RLF: variants seen among roughly 807,000 people sequenced by gnomAD.
RLF encodes zinc finger protein Rlf.
RLF carries 7 observed loss-of-function variants against 162.9 expected under a neutral mutation model. The ratio of observed to expected loss-of-function variants is 0.04; its 90% CI spans 0.02 to 0.08. The LOEUF is 0.08. Ranked by LOEUF, RLF falls within the 10% of genes least tolerant of loss-of-function variation. RLF has a pLI of 1.00. For missense variants in RLF, 1,664 were observed against 2,244.7 expected (o/e 0.74, Z 5.23); for synonymous variants, 782 against 791.5 (o/e 0.99, Z 0.20).
At chr1:40,168,199 AGT>A (rs1642192329) in intron 1 of RLF, among the ~76,000 whole-genome samples, 1 of 152,084 alleles carries the variant, frequency 6.6e-6, no homozygotes, top group Non-Finnish European at 1.5e-5. Flanking sequence ...TGGGCAACAG[AGT>A]GAGACCTTGT....
At chr1:40,219,891 G>T (rs1172760776) in intron 5 of RLF, among the ~76,000 whole-genome samples, 1 of 152,174 alleles carries the variant, frequency 6.6e-6, no homozygotes, top group Non-Finnish European at 1.5e-5. Flanking sequence ...GCCAGTGCAG[G>T]AGCATGTTTA....
Position 40,235,779 on chromosome 1 carries a change from CTT to C in RLF, c.1090-10_1090-9del, listed in dbSNP as rs1643210066. On this transcript the variant is annotated splice_polypyrimidine_tract_variant and intron_variant, in intron 7 of 7. Transcript: ENST00000372771. ...TGCAAAAAAATAATTTTTTTATCCT[CTT>C]TTACTTACAGGCACAAGATGCTGGT... 2 of 1,511,032 alleles carry C rather than the reference CTT, an allele frequency of 1.3e-6. No homozygotes were observed. The highest frequency in any genetic ancestry group is 4.8e-5 in the East Asian group (2 of 42,046). The allele number at this position is 1,511,032 out of a possible 1,614,324, so 93.6% of individuals were successfully genotyped here. A position where few individuals can be genotyped will look rare whatever the true frequency, so the allele number is the denominator to read the frequency against.
intron 2 of RLF, among the ~76,000 whole-genome samples, chr1:40,190,229 C>CA (rs1000424794): frequency 2.6e-5 from 4 of 151,468 alleles, no homozygotes; most frequent in African/African-American, 7.3e-5. Flanking sequence ...TTTCTTTTTT[C>CA]AAAAAAATCT....
Position 40,239,039 on chromosome 1 carries a change from G to A in RLF, c.4337G>A (p.Cys1446Tyr), listed in dbSNP as rs1431963971. Residue 1446 changes from cysteine to tyrosine, a missense_variant, in exon 8 of 8, where the codon TGT (cysteine) becomes TAT (tyrosine). Cys to Tyr is a radical substitution (Grantham distance 194). Coordinates refer to ENST00000372771, the MANE Select transcript of RLF (RefSeq NM_012421.4). ...ATACATTCAGATTATGAAATTCATT[G>A]TGATCTTAATGGCTGTGGCCAGATT... The part of the protein sequence containing the change: ...GEIHSDYEIH[C>Y]DLNGCGQIFT... 6.2e-7 allele frequency: 1 copy of A among 1,614,178 alleles called. No individual in the cohort carries two copies. The highest frequency in any genetic ancestry group is 2.2e-5 in the East Asian group (1 of 44,886).
At chr1:40,173,514 A>ATTT (rs34760861) in intron 1 of RLF, among the ~76,000 whole-genome samples, 6,387 of 142,530 alleles carry the variant, frequency 0.045, 466 homozygotes, top group African/African-American at 0.16. Flanking sequence ...TGATCATGTA[A>ATTT]TTTTTTTTTT....
intron 3 of RLF, among the ~76,000 whole-genome samples, chr1:40,193,282 T>C (rs1642585593): frequency 6.6e-6 from 1 of 152,150 alleles, no homozygotes; most frequent in African/African-American, 2.4e-5. Flanking sequence ...TTTATAGATT[T>C]AACATTATTT....
chr1:40,222,411 T>G (rs1643012215), intron 5 of RLF, among the ~76,000 whole-genome samples, 163 bp from the exon 6 acceptor site: 1 of 152,228 alleles, frequency 6.6e-6, no homozygotes, highest in Non-Finnish European at 1.5e-5. Context: ...GTTCCCTTCT[T>G]TAATATTTTC....
At chr1:40,174,503 G>C (rs1642289669) in intron 1 of RLF, among the ~76,000 whole-genome samples, 1 of 152,106 alleles carries the variant, frequency 6.6e-6, no homozygotes, top group Non-Finnish European at 1.5e-5. Flanking sequence ...TTTAAGGTTT[G>C]ATTCTGCTCC....
chr1:40,200,734 C>A (rs1642700142), intron 4 of RLF, among the ~76,000 whole-genome samples: 1 of 149,454 alleles, frequency 6.7e-6, no homozygotes, highest in Admixed American at 6.6e-5. Flanking sequence ...TTTTTCTGTC[C>A]TTTTGAAATC....
chr1:40,179,593 T>C (rs977175153), intron 1 of RLF, among the ~76,000 whole-genome samples: 1 of 151,670 alleles, frequency 6.6e-6, no homozygotes, highest in Non-Finnish European at 1.5e-5. Context: ...ATACGTAACA[T>C]AGAATTTGCC....
rs931395604 is a variant in RLF at position 40,237,877 on chromosome 1, A to G, written c.3175A>G (p.Thr1059Ala). The G allele has an allele frequency of 1.2e-6, 2 of 1,614,160 alleles. No homozygotes were observed. Among genetic ancestry groups the G allele is most frequent in the Non-Finnish European group, 1.7e-6 (2 of 1,180,016 alleles). The change falls in exon 8 of 8, where the codon ACC becomes GCC. Residue 1059 changes from threonine to alanine, a missense_variant. Physicochemically the swap from Thr to Ala is moderately conservative, Grantham distance 58. Around this residue, in one of 15 missense-constraint regions of RLF, gnomAD observed 295 missense variants for 317.4 expected, o/e 0.93. Transcript: ENST00000372771. The surrounding 1 kb of genome is among the most constrained non-coding windows in gnomAD (Gnocchi z 4.4). ...TTCTAAAAGGCCCTGTACAGAGGAT[A>G]CCATGTTGGAACTTCTGTTACGCTT... is the stretch of plus-strand genomic sequence containing the variant. ...CASKRPCTED[T>A]MLELLLRLKH...
At chr1:40,234,326 T>G (rs544335572) in intron 7 of RLF, among the ~76,000 whole-genome samples, 1 of 151,770 alleles carries the variant, frequency 6.6e-6, no homozygotes, top group Admixed American at 6.6e-5. Flanking sequence ...GTGTTGGGGG[T>G]TTTTTGTCTA....
intron 1 of RLF, among the ~76,000 whole-genome samples, chr1:40,174,434 C>T (rs1172109699): frequency 1.3e-5 from 2 of 151,864 alleles, no homozygotes; most frequent in African/African-American, 4.8e-5. Context: ...GGTATATGAC[C>T]TTGGGGCAAG....
intron 5 of RLF, among the ~76,000 whole-genome samples, chr1:40,220,037 G>A (rs1256565936): frequency 6.6e-6 from 1 of 152,074 alleles, no homozygotes; most frequent in Non-Finnish European, 1.5e-5. Flanking sequence ...ATGAGGTCAG[G>A]AGATTGAGAC....
intron 1 of RLF, among the ~76,000 whole-genome samples, chr1:40,173,114 T>C (rs531562735): frequency 7.4e-5 from 11 of 148,356 alleles, no homozygotes; most frequent in South Asian, 2.1e-4. Flanking sequence ...TTTGCTCTTA[T>C]TGCCCAGGCT....
chr1:40,237,609 A>G lies in RLF; in HGVS notation c.2907A>G (p.Arg969=). The change falls in exon 8 of 8, where the codon AGA becomes AGG. Residue 969 remains arginine (R), a synonymous_variant. Coordinates refer to ENST00000372771, the MANE Select transcript of RLF (RefSeq NM_012421.4). The surrounding 1 kb of genome is among the most constrained non-coding windows in gnomAD (Gnocchi z 4.4). ...GTGGTTCCACATACAAAAATGCAAG[A>G]GGAATGCAGAAACATTTACGGAAGG... ...DGCGSTYKNA[R]GMQKHLRKVH... 6.2e-7 allele frequency: 1 copy of G among 1,614,168 alleles called. No homozygotes were observed. The highest frequency in any genetic ancestry group is 8.5e-7 in the Non-Finnish European group (1 of 1,180,016).
At chr1:40,215,030 C>G (rs938261480) in intron 5 of RLF, among the ~76,000 whole-genome samples, 7 of 149,076 alleles carry the variant, frequency 4.7e-5, no homozygotes, top group African/African-American at 1.7e-4. Context: ...ATTCTGAAGT[C>G]AAAAAGTGCA....
chr1:40,235,779 C>G lies in RLF; in HGVS notation c.1090-13C>G. ...TGCAAAAAAATAATTTTTTTATCCT[C>G]TTTTACTTACAGGCACAAGATGCTG... is the stretch of plus-strand genomic sequence containing the variant. On this transcript the variant is annotated splice_polypyrimidine_tract_variant and intron_variant, in intron 7 of 7. Coordinates refer to ENST00000372771, the MANE Select transcript of RLF (RefSeq NM_012421.4). 6.6e-7 allele frequency: 1 copy of G among 1,511,032 alleles called. No homozygotes were observed. The highest frequency in any genetic ancestry group is 8.8e-7 in the Non-Finnish European group (1 of 1,132,044). The allele number at this position is 1,511,032 out of a possible 1,614,324, so 93.6% of individuals were successfully genotyped here.
chr1:40,189,499 A>G (rs1332065391), intron 2 of RLF, among the ~76,000 whole-genome samples: 2 of 152,222 alleles, frequency 1.3e-5, no homozygotes, highest in African/African-American at 2.4e-5. Flanking sequence ...AAATGACAGA[A>G]TACCTGGAAA....
Sources: gnomAD v4.1 joint callset for allele counts (sites outside exome capture counted in the v4.1 genomes callset) on GRCh38, gnomAD v4.1.1 for gene constraint, gnomAD v4.1.1 regional missense constraint, Gnocchi (gnomAD v3.1) non-coding constraint, MANE v1.5 for transcripts, NCBI Gene and HGNC (gene_info 2026-07-23, HGNC 2026-07-21) for gene names.